Variants in NKAIN3 observed in about 807,000 individuals in gnomAD.
NKAIN3 encodes the protein sodium/potassium transporting ATPase interacting 3.
In NKAIN3, 25 loss-of-function variants were observed where a neutral mutation model predicts 30.2. That is an observed-to-expected ratio of 0.83 (90% CI 0.60 to 1.16). The LOEUF is 1.16. Among genes scored for constraint, NKAIN3 ranks in the 50% most tolerant of loss-of-function variants. NKAIN3 has a pLI of 0.00. For missense variants in NKAIN3, 225 were observed against 254.1 expected, an observed-to-expected ratio of 0.89 and a Z score of 0.78; for synonymous variants, 91 against 89.6, an observed-to-expected ratio of 1.02 and a Z score of -0.09.
intron 1 of NKAIN3, among the ~76,000 whole-genome samples, chr8:62,573,547 T>C (rs1313424337): frequency 1.3e-5 from 2 of 152,122 alleles, no homozygotes; most frequent in Non-Finnish European, 2.9e-5. Context: ...CTTTTCTTCC[T>C]TTTTATTAAG....
chr8:62,547,218 A>G (rs1809045064), intron 1 of NKAIN3, among the ~76,000 whole-genome samples: 1 of 152,156 alleles, frequency 6.6e-6, no homozygotes, highest in Non-Finnish European at 1.5e-5. Context: ...ATTTTCTTAC[A>G]TTAGCATCAT....
At chr8:62,857,757 T>G (rs1401900476) in intron 4 of NKAIN3, among the ~76,000 whole-genome samples, 1 of 152,254 alleles carries the variant, frequency 6.6e-6, no homozygotes, top group African/African-American at 2.4e-5. Context: ...ATTATGATTT[T>G]TAGATTCTTT....
chr8:62,620,408 AATATGCCATATGCC>A (rs551091120), intron 3 of NKAIN3, among the ~76,000 whole-genome samples: 3 of 152,116 alleles, frequency 2.0e-5, no homozygotes, highest in Non-Finnish European at 4.4e-5. Context: ...TAACAGATCC[AATATGCCATATGCC>A]ATATGCCATA....
chr8:62,260,738 T>A (rs1812412750), intron 1 of NKAIN3, among the ~76,000 whole-genome samples: 1 of 152,196 alleles, frequency 6.6e-6, no homozygotes. Flanking sequence ...GAGCCAGTTG[T>A]TAAATACAGC....
At chr8:62,831,877 A>T (rs1819208030) in intron 4 of NKAIN3, among the ~76,000 whole-genome samples, 1 of 152,176 alleles carries the variant, frequency 6.6e-6, no homozygotes, top group Admixed American at 6.5e-5. Flanking sequence ...CATCTGTGAG[A>T]TGTTATACAA....
Position 62,889,997 on chromosome 8 carries a change from A to G in NKAIN3, c.472-28456A>G, listed in dbSNP as rs189578945. ...TTCAAGACAGAGAAAATATATATTA[A>G]TACAAGCTCTATATTCACCTTCCCA... is the stretch of plus-strand genomic sequence containing the variant. On this transcript the variant is annotated intron_variant, in intron 4 of 6. Transcript: ENST00000623646. 3.1e-3 allele frequency among the ~76,000 whole-genome samples: 477 copies of G among 152,366 alleles called. 9 individuals carry two copies. Among genetic ancestry groups the G allele is most frequent in the Admixed American group, 0.029 (447 of 15,306 alleles).
At chr8:62,907,816 G>T (rs1345357543) in intron 4 of NKAIN3, among the ~76,000 whole-genome samples, 1 of 152,244 alleles carries the variant, frequency 6.6e-6, no homozygotes. Context: ...GTGTGCTGCA[G>T]GAGCACAGCC....
chr8:62,968,937 T>C lies in NKAIN3; in HGVS notation c.*3530T>C, dbSNP rs901453896. 6.6e-6 allele frequency among the ~76,000 whole-genome samples: 1 copy of C among 152,070 alleles called. No individual in the cohort carries two copies. The highest frequency in any genetic ancestry group is 2.4e-5 in the African/African-American group (1 of 41,408). On this transcript the variant is annotated 3_prime_UTR_variant, in exon 7 of 7. Transcript: ENST00000623646. ...ACCAAAGGACACAAAATGTCTTGGG[T>C]TGTGGAATAGCACACATCAGAGAAA...
chr8:62,651,219 A>G (rs1441520591), intron 3 of NKAIN3, among the ~76,000 whole-genome samples: 3 of 152,196 alleles, frequency 2.0e-5, no homozygotes, highest in South Asian at 2.1e-4. Context: ...ATACATTTTC[A>G]TTTTATTCAA....
intron 1 of NKAIN3, among the ~76,000 whole-genome samples, chr8:62,292,447 T>C (rs1319297028): frequency 6.6e-6 from 1 of 152,188 alleles, no homozygotes; most frequent in Non-Finnish European, 1.5e-5. Context: ...ACAAAATCTC[T>C]CAGCTTTTGT....
chr8:62,906,197 G>T (rs1455578), intron 4 of NKAIN3, among the ~76,000 whole-genome samples: 80,782 of 152,114 alleles, frequency 0.53, 21,815 homozygotes, highest in East Asian at 0.71. Context: ...TTCTGACCCA[G>T]CACCCATGGA....
At chr8:62,552,939 T>C (rs1809263655) in intron 1 of NKAIN3, among the ~76,000 whole-genome samples, 1 of 152,164 alleles carries the variant, frequency 6.6e-6, no homozygotes, top group South Asian at 2.1e-4. Flanking sequence ...TGGGTTGCCA[T>C]GGAGAGATGG....
intron 3 of NKAIN3, among the ~76,000 whole-genome samples, chr8:62,695,431 G>C (rs569995178): frequency 1.3e-5 from 2 of 152,064 alleles, no homozygotes; most frequent in Non-Finnish European, 2.9e-5. Flanking sequence ...AGATAATCCT[G>C]GCTGGTGATA....
chr8:62,394,323 T>G (rs886169961), intron 1 of NKAIN3, among the ~76,000 whole-genome samples: 2 of 152,200 alleles, frequency 1.3e-5, no homozygotes, highest in Non-Finnish European at 2.9e-5. Context: ...CTTACAGTTT[T>G]TCTCTTTATT....
chr8:62,552,985 G>A (rs1809265390), intron 1 of NKAIN3, among the ~76,000 whole-genome samples: 1 of 152,108 alleles, frequency 6.6e-6, no homozygotes, highest in Non-Finnish European at 1.5e-5. Flanking sequence ...TAGTTGTGGT[G>A]GAGACAAAGA....
intron 1 of NKAIN3, among the ~76,000 whole-genome samples, chr8:62,563,003 G>A (rs1809636967): frequency 1.3e-5 from 2 of 152,028 alleles, no homozygotes; most frequent in South Asian, 2.1e-4. Context: ...CATGGTAGCT[G>A]TGTTCCTGCC....
At chr8:62,386,545 A>G (rs1817429712) in intron 1 of NKAIN3, among the ~76,000 whole-genome samples, 1 of 152,228 alleles carries the variant, frequency 6.6e-6, no homozygotes, top group Admixed American at 6.5e-5. Flanking sequence ...TCTAATTTTT[A>G]AAATAAATTA....
At chr8:62,843,338 A>T (rs1364577711) in intron 4 of NKAIN3, among the ~76,000 whole-genome samples, 1 of 150,246 alleles carries the variant, frequency 6.7e-6, no homozygotes, top group African/African-American at 2.4e-5. Context: ...TTAATTTTTT[A>T]TTTATTTATT....
At chr8:62,852,836 T>C (rs1422455921) in intron 4 of NKAIN3, among the ~76,000 whole-genome samples, 4 of 152,228 alleles carry the variant, frequency 2.6e-5, no homozygotes, top group Non-Finnish European at 5.9e-5. Context: ...TTATCATTTC[T>C]GTTCTTTTAC....
Sources: allele counts gnomAD v4.1 joint callset (sites outside exome capture counted in the v4.1 genomes callset), GRCh38; gene constraint gnomAD v4.1.1; transcripts MANE v1.5; gene names NCBI Gene and HGNC (gene_info 2026-07-23, HGNC 2026-07-21).